BCKDHB: variants seen among roughly 807,000 people sequenced by gnomAD.
The protein encoded by BCKDHB is 2-oxoisovalerate dehydrogenase subunit beta, mitochondrial.
A neutral mutation model predicts 48.5 loss-of-function variants in BCKDHB; 41 were observed. The observed-to-expected ratio is 0.85, with a 90% CI of 0.66 to 1.10. The LOEUF is 1.10. Among genes scored for constraint, BCKDHB ranks in the 50% least tolerant of loss-of-function variants. BCKDHB has a pLI of 0.00. For missense variants in BCKDHB, 496 were observed against 494.2 expected (o/e 1.00, Z -0.03); for synonymous variants, 201 against 174.8 (o/e 1.15, Z -1.18).
intron 1 of BCKDHB, among the ~76,000 whole-genome samples, chr6:80,121,095 C>T (rs1769990910): frequency 6.6e-6 from 1 of 152,154 alleles, no homozygotes; most frequent in African/African-American, 2.4e-5. Flanking sequence ...AGCCAGTTTT[C>T]CCAGCACCAT....
the BCKDHB span, chr6:80,454,255 T>C: frequency 6.6e-6 from 1 of 152,104 alleles, no homozygotes; most frequent in Non-Finnish European, 1.5e-5. Context: ...CCTAGAAAAA[T>C]AGGCACAATG....
At chr6:80,359,931 A>G in the BCKDHB span, among the ~76,000 whole-genome samples, 1 of 152,168 alleles carries the variant, frequency 6.6e-6, no homozygotes, top group Middle Eastern at 3.2e-3. Context: ...TTCTTCTGAC[A>G]TCTTGCTGGG....
At chr6:80,460,019 G>C in the BCKDHB span, among the ~76,000 whole-genome samples, 3 of 152,022 alleles carry the variant, frequency 2.0e-5, no homozygotes, top group African/African-American at 7.2e-5. Flanking sequence ...TAGTTTTTGA[G>C]GATTGTTCCT....
chr6:80,263,400 T>C (rs1010883367), intron 8 of BCKDHB, among the ~76,000 whole-genome samples: 6 of 152,160 alleles, frequency 3.9e-5, no homozygotes, highest in Admixed American at 2.0e-4. Context: ...TGAAAGCACG[T>C]AAGTTATATA....
chr6:80,239,318 A>T (rs952769256), intron 8 of BCKDHB, among the ~76,000 whole-genome samples: 41 of 151,972 alleles, frequency 2.7e-4, no homozygotes, highest in Non-Finnish European at 8.8e-5. Flanking sequence ...TGATATCTCA[A>T]TGTGGTTTTG....
intron 1 of BCKDHB, among the ~76,000 whole-genome samples, chr6:80,120,260 A>G (rs1338213330): frequency 2.0e-5 from 3 of 151,954 alleles, no homozygotes; most frequent in Non-Finnish European, 4.4e-5. Context: ...CTAGTCTATC[A>G]TTGATAGACA....
At chr6:80,378,065 CT>C in the BCKDHB span, among the ~76,000 whole-genome samples, 1 of 151,862 alleles carries the variant, frequency 6.6e-6, no homozygotes, top group Admixed American at 6.6e-5. Flanking sequence ...AAAATTTTTT[CT>C]TTTTGATACT....
intron 8 of BCKDHB, among the ~76,000 whole-genome samples, chr6:80,237,768 A>C (rs184060945): frequency 6.6e-6 from 1 of 152,346 alleles, no homozygotes; most frequent in East Asian, 1.9e-4. Flanking sequence ...AGTTCAGATC[A>C]GAAATTGAAA....
At chr6:80,384,677 T>G in the BCKDHB span, among the ~76,000 whole-genome samples, 32 of 152,254 alleles carry the variant, frequency 2.1e-4, no homozygotes, top group Non-Finnish European at 4.1e-4. Flanking sequence ...GTTTTGAGAC[T>G]TGGACTGGCT....
At chr6:80,243,359 T>G (rs1231166025) in intron 8 of BCKDHB, among the ~76,000 whole-genome samples, 1 of 152,200 alleles carries the variant, frequency 6.6e-6, no homozygotes, top group Non-Finnish European at 1.5e-5. Flanking sequence ...CTATGGTTCC[T>G]GACATGCTTT....
At chr6:80,397,960 A>C in the BCKDHB span, among the ~76,000 whole-genome samples, 1 of 152,164 alleles carries the variant, frequency 6.6e-6, no homozygotes, top group Non-Finnish European at 1.5e-5. Context: ...GAAGTTAAAC[A>C]AGTTGCTTCT....
At chr6:80,221,444 A>G (rs936443968) in intron 8 of BCKDHB, among the ~76,000 whole-genome samples, 1 of 151,882 alleles carries the variant, frequency 6.6e-6, no homozygotes, top group Non-Finnish European at 1.5e-5. Flanking sequence ...TCTCTATTGC[A>G]TTTTCTTATT....
chr6:80,162,336 A>G (rs1772357126), intron 3 of BCKDHB, among the ~76,000 whole-genome samples: 2 of 152,150 alleles, frequency 1.3e-5, no homozygotes, highest in Admixed American at 6.5e-5. Flanking sequence ...ACCACCATCA[A>G]TGCCCATATG....
intron 8 of BCKDHB, among the ~76,000 whole-genome samples, chr6:80,255,020 G>A (rs1281176511): frequency 6.6e-6 from 1 of 152,158 alleles, no homozygotes; most frequent in Admixed American, 6.5e-5. Flanking sequence ...TTAGAACAAT[G>A]CTTTCTTTGG....
chr6:80,142,081 C>T (rs1206517206), intron 3 of BCKDHB, among the ~76,000 whole-genome samples: 1 of 151,890 alleles, frequency 6.6e-6, no homozygotes, highest in African/African-American at 2.4e-5. Context: ...ATTTTCATTT[C>T]TTATGTATTT....
chr6:80,303,106 A>G (rs568953127), intron 9 of BCKDHB, among the ~76,000 whole-genome samples: 6 of 152,194 alleles, frequency 3.9e-5, no homozygotes, highest in South Asian at 2.1e-4. Flanking sequence ...TATTACCTGA[A>G]CTCAAAGGGT....
chr6:80,185,967 T>C (rs1195778589), intron 6 of BCKDHB, among the ~76,000 whole-genome samples: 1 of 152,218 alleles, frequency 6.6e-6, no homozygotes, highest in Non-Finnish European at 1.5e-5. Flanking sequence ...ATGTTGTAGA[T>C]GGTAGAATTA....
chr6:80,270,105 G>A (rs922587578), intron 8 of BCKDHB, among the ~76,000 whole-genome samples: 1 of 152,016 alleles, frequency 6.6e-6, no homozygotes, highest in Non-Finnish European at 1.5e-5. Flanking sequence ...GTATAGAAAA[G>A]CAGTCTTCAG....
chr6:80,219,644 G>A (rs778506925), intron 8 of BCKDHB, among the ~76,000 whole-genome samples: 8 of 152,074 alleles, frequency 5.3e-5, no homozygotes, highest in Non-Finnish European at 1.0e-4. Context: ...CTCTTCCATG[G>A]TTATCTTTCT....
Sources: gnomAD v4.1 joint callset for allele counts (sites outside exome capture counted in the v4.1 genomes callset) on GRCh38, gnomAD v4.1.1 for gene constraint, MANE v1.5 for transcripts, NCBI Gene and HGNC (gene_info 2026-07-23, HGNC 2026-07-21) for gene names.